The following SF3B4 variants were observed in gnomAD, a reference collection of about 807,000 sequenced individuals.
SF3B4 encodes SAP 49.
Under a neutral mutation model 34.3 loss-of-function variants are expected in SF3B4, and 3 were observed. The ratio of observed to expected loss-of-function variants is 0.09; its 90% CI spans 0.04 to 0.23. The LOEUF is 0.23. Among genes scored for constraint, SF3B4 ranks in the 10% least tolerant of loss-of-function variants. The probability of loss-of-function intolerance (pLI) is 1.00; values close to 1 mark genes in which losing one functional copy is unlikely to be tolerated. For missense variants in SF3B4, 283 were observed against 567.2 expected, an observed-to-expected ratio of 0.50 and a Z score of 5.09; for synonymous variants, 216 against 207.8, an observed-to-expected ratio of 1.04 and a Z score of -0.34.
intron 2 of SF3B4, 57 bp downstream of exon 2, chr1:149,927,109 A>G: frequency 6.3e-7 from 1 of 1,591,048 alleles, no homozygotes; most frequent in Admixed American, 1.8e-5. Context: ...ATTCCAAAAC[A>G]GTTGTGAATA....
chr1:149,923,814 T>A (rs782390140), intron 5 of SF3B4, 27 bp downstream of exon 5: 3 of 1,566,614 alleles, frequency 1.9e-6, no homozygotes, highest in Non-Finnish European at 2.6e-6. Context: ...TAAGTGCAGA[T>A]GAGGGAGGTG....
At chr1:149,925,804 C>T (rs1433330037) in intron 4 of SF3B4, 32 bp downstream of exon 4, 14 of 1,561,078 alleles carry the variant, frequency 9.0e-6, no homozygotes, top group African/African-American at 2.7e-5. Flanking sequence ...CTACCAAGCT[C>T]TTCCCTCCCT....
rs1376874499 is a variant in SF3B4, at chr1:149,927,795, C to G, written c.-36G>C. 1.3e-6 allele frequency: 2 copies of G among 1,551,616 alleles called. No homozygotes were observed. The highest frequency in any genetic ancestry group is 1.7e-6 in the Non-Finnish European group (2 of 1,147,082). On this transcript the variant is annotated 5_prime_UTR_variant, in exon 1 of 6. Transcript: ENST00000271628. ...ATCCCGCCGTCTCCCAGCAGCGGTTCCGCCTTCTGACCTCAGCACGACTTC... is the reference window on the plus strand; with the variant it reads ...ATCCCGCCGTCTCCCAGCAGCGGTTGCGCCTTCTGACCTCAGCACGACTTC...
chr1:149,926,522 T>C lies in SF3B4; in HGVS notation c.560A>G (p.His187Arg). ...CAGAAGTCGTTCGGCTGCTGAGCCA[T>C]GGCGCTCACCCTTGGAGTCCTTCTT... ...AFKKDSKGER[H>R]GSAAERLLAA... Residue 187 changes from histidine to arginine, a missense_variant, in exon 3 of 6, where the codon CAT (histidine) becomes CGT (arginine). This residue lies in a region of SF3B4 where 35 missense variants were observed against 111.9 expected (regional missense o/e 0.31). Coordinates refer to ENST00000271628, the MANE Select transcript of SF3B4 (RefSeq NM_005850.5). This position sits in a 1 kb window ranked among gnomAD's most constrained non-coding sequence, Gnocchi z 6.2. 6.2e-7 allele frequency: 1 copy of C among 1,614,210 alleles called. No homozygotes were observed. The highest frequency in any genetic ancestry group is 8.5e-7 in the Non-Finnish European group (1 of 1,180,046).
At chr1:149,925,522 C>A in intron 4 of SF3B4, 1 of 335,186 alleles carries the variant, frequency 3.0e-6, no homozygotes, top group Admixed American at 4.5e-5. Flanking sequence ...AGAGGTCAAA[C>A]TAGATAAGGA....
In SF3B4 at chr1:149,926,828, C is replaced by T; in HGVS notation, c.254G>A (p.Arg85Gln). The change falls in exon 3 of 6, where the codon CGG (arginine) becomes CAG (glutamine). Residue 85 changes from arginine to glutamine, a missense_variant. Transcript: ENST00000271628. The surrounding 1 kb of genome is among the most constrained non-coding windows in gnomAD (Gnocchi z 6.2). The part of the protein sequence containing the change: ...NMIKLYGKPI[R>Q]VNKASAHNKN... ...GTTGTGAGCTGATGCTTTGTTCACCCGTATTGGCTTCCCATAGAGTTTGAT... is the reference window on the plus strand; with the variant it reads ...GTTGTGAGCTGATGCTTTGTTCACCTGTATTGGCTTCCCATAGAGTTTGAT... 1 of 1,614,130 alleles carries T rather than the reference C, an allele frequency of 6.2e-7. No homozygotes were observed. The highest frequency in any genetic ancestry group is 8.5e-7 in the Non-Finnish European group (1 of 1,180,026).
chr1:149,927,155 C>T lies in SF3B4; in HGVS notation c.163+11G>A. 6.2e-7 allele frequency: 1 copy of T among 1,613,292 alleles called. No individual in the cohort carries two copies. The highest frequency in any genetic ancestry group is 8.5e-7 in the Non-Finnish European group (1 of 1,179,972). On this transcript the variant is annotated intron_variant, in intron 2 of 5. Coordinates refer to ENST00000271628, the MANE Select transcript of SF3B4 (RefSeq NM_005850.5). The stretch of plus-strand genomic sequence containing the variant: ...CCTCCGGGAGCAATTCGCCCCTTGT[C>T]ATGTACTCACCTTGGTGCTGGCCAG...
rs782200488 is a variant in SF3B4 at position 149,926,905 on chromosome 1, C to T, written c.177G>A (p.Val59=). ...VTGQHQGYGF[V]EFLSEEDADY... is the part of the protein sequence containing the mutation. ...CAGCATCTTCCTCACTCAAGAATTCCACAAAGCCATAGCCTGGAAAAGTGG... is the reference window on the plus strand; with the variant it reads ...CAGCATCTTCCTCACTCAAGAATTCTACAAAGCCATAGCCTGGAAAAGTGG... Residue 59 remains valine, a synonymous_variant, in exon 3 of 6, where the codon GTG becomes GTA. Coordinates refer to ENST00000271628, the MANE Select transcript of SF3B4 (RefSeq NM_005850.5). The surrounding 1 kb of genome is among the most constrained non-coding windows in gnomAD (Gnocchi z 6.2). 1.4e-5 allele frequency: 23 copies of T among 1,608,258 alleles called. No individual in the cohort carries two copies. The highest frequency in any genetic ancestry group is 1.1e-4 in the East Asian group (5 of 44,834).
rs1553766260 is a variant in SF3B4 at position 149,927,718 on chromosome 1, C to G, written c.34+8G>C. ...TGAGCCCATTCCAGACTTTCCCCCTCCAGTTACCCTGATTCCGCTCGGAGA... is the reference window on the plus strand; with the variant it reads ...TGAGCCCATTCCAGACTTTCCCCCTGCAGTTACCCTGATTCCGCTCGGAGA... On this transcript the variant is annotated splice_region_variant and intron_variant, in intron 1 of 5. Coordinates refer to ENST00000271628, the MANE Select transcript of SF3B4 (RefSeq NM_005850.5). 6.4e-7 allele frequency: 1 copy of G among 1,553,084 alleles called. No individual in the cohort carries two copies.
In SF3B4 at chr1:149,926,972, G is replaced by C; in HGVS notation, c.164-54C>G. On this transcript the variant is annotated intron_variant, in intron 2 of 5. Coordinates refer to ENST00000271628, the MANE Select transcript of SF3B4 (RefSeq NM_005850.5). This position sits in a 1 kb window ranked among gnomAD's most constrained non-coding sequence, Gnocchi z 6.2. ...AACGTAAGTAAAGAGACTGAAAATGGGGTAAAATTCATCTACCCTCTAATC... is the reference window on the plus strand; with the variant it reads ...AACGTAAGTAAAGAGACTGAAAATGCGGTAAAATTCATCTACCCTCTAATC... 1.3e-6 allele frequency: 2 copies of C among 1,518,012 alleles called. No individual in the cohort carries two copies. Among genetic ancestry groups the C allele is most frequent in the Non-Finnish European group, 1.8e-6 (2 of 1,128,680 alleles). The allele number at this position is 1,518,012 out of a possible 1,614,324, so 94.0% of individuals were successfully genotyped here.
intron 4 of SF3B4, among the ~76,000 whole-genome samples, chr1:149,925,419 G>A (rs2092583508): frequency 6.6e-6 from 1 of 152,094 alleles, no homozygotes; most frequent in African/African-American, 2.4e-5. Context: ...CTGAGATTAA[G>A]AAGTCAGAGA....
chr1:149,927,440 T>G, intron 1 of SF3B4, 146 bp from the exon 2 acceptor site: 2 of 916,290 alleles, frequency 2.2e-6, no homozygotes, highest in South Asian at 3.4e-5. Context: ...ACCCTTAAAC[T>G]TCTCTCTTCC....
rs782734648 is a variant in SF3B4 at position 149,923,577 on chromosome 1, G to C, written c.1240C>G (p.Pro414Ala). The C allele has an allele frequency of 8.3e-6, 13 of 1,562,410 alleles. No individual in the cohort carries two copies. Among genetic ancestry groups the C allele is most frequent in the Non-Finnish European group, 1.1e-5 (13 of 1,164,184 alleles). ...PRPTPRPPVPPRGPLRGPLPQ is the reference protein window; with the variant it reads ...PRPTPRPPVPARGPLRGPLPQ ...AGAGGGCCTCGAAGTGGGCCTCGAG[G>C]GGGAACTGGTGGCCGGGGAGTGGGT... The change falls in exon 6 of 6, where the codon CCT (proline) becomes GCT (alanine). Residue 414 changes from proline to alanine, a missense_variant. Transcript: ENST00000271628.
At chr1:149,927,564 A>G in intron 1 of SF3B4, 162 bp downstream of exon 1, 1 of 944,032 alleles carries the variant, frequency 1.1e-6, no homozygotes, top group Non-Finnish European at 1.6e-6. Flanking sequence ...CAGAGGCCTC[A>G]GCCAGCACCC....
Position 149,923,707 on chromosome 1 carries a change from C to T in SF3B4, c.1110G>A (p.Pro370=), listed in dbSNP as rs782435530. 5.3e-5 allele frequency: 80 copies of T among 1,516,210 alleles called. No homozygotes were observed. The highest frequency in any genetic ancestry group is 1.8e-4 in the Middle Eastern group (1 of 5,708). The allele number at this position is 1,516,210 out of a possible 1,614,324, so 93.9% of individuals were successfully genotyped here. Residue 370 remains proline (P), a synonymous_variant, in exon 6 of 6, where the codon CCG becomes CCA. Coordinates refer to ENST00000271628, the MANE Select transcript of SF3B4 (RefSeq NM_005850.5). ...SPMGHPGPMP[P]HGMRGPPPLM... The stretch of plus-strand genomic sequence containing the variant: ...GTGGAGGAGGTCCACGCATACCATG[C>T]GGAGGCATAGGACCTGGGTGACCTG...
Position 149,926,837 on chromosome 1 carries a change from T to C in SF3B4, c.245A>G (p.Lys82Arg). ...KIMNMIKLYGKPIRVNKASAH... is the reference protein window; with the variant it reads ...KIMNMIKLYGRPIRVNKASAH... Reference sequence around the variant, plus strand: ...TGATGCTTTGTTCACCCGTATTGGCTTCCCATAGAGTTTGATCATGTTCAT... The same window carrying C: ...TGATGCTTTGTTCACCCGTATTGGCCTCCCATAGAGTTTGATCATGTTCAT... Residue 82 changes from lysine to arginine, a missense_variant, in exon 3 of 6, where the codon AAG becomes AGG. This residue lies in a region of SF3B4 where 39 missense variants were observed against 127.3 expected (regional missense o/e 0.31). Coordinates refer to ENST00000271628, the MANE Select transcript of SF3B4 (RefSeq NM_005850.5). The surrounding 1 kb of genome is among the most constrained non-coding windows in gnomAD (Gnocchi z 6.2). 6.2e-7 allele frequency: 1 copy of C among 1,614,154 alleles called. No individual in the cohort carries two copies. The highest frequency in any genetic ancestry group is 8.5e-7 in the Non-Finnish European group (1 of 1,180,020).
rs587603335 is a variant in SF3B4, at chr1:149,923,644, G to A, written c.1173C>T (p.Pro391=). ...GCCCCCGCTGGTAGCCATAGGGTGG[G>A]GGTCGTGGAGGGCCAGTGTATCCAT... ...PPHGYTGPPR[P]PPYGYQRGPL... Residue 391 remains proline (P), a synonymous_variant, in exon 6 of 6, where the codon CCC becomes CCT. Coordinates refer to ENST00000271628, the MANE Select transcript of SF3B4 (RefSeq NM_005850.5). 7.9e-6 allele frequency: 12 copies of A among 1,527,922 alleles called. No individual in the cohort carries two copies. Among genetic ancestry groups the A allele is most frequent in the Admixed American group, 2.6e-5 (1 of 39,022 alleles). The allele number at this position is 1,527,922 out of a possible 1,614,324, so 94.6% of individuals were successfully genotyped here.
chr1:149,926,975 TA>T lies in SF3B4; in HGVS notation c.164-58del. On this transcript the variant is annotated intron_variant, in intron 2 of 5. Transcript: ENST00000271628. The surrounding 1 kb of genome is among the most constrained non-coding windows in gnomAD (Gnocchi z 6.2). Reference sequence around the variant, plus strand: ...GTAAGTAAAGAGACTGAAAATGGGGTAAAATTCATCTACCCTCTAATCACAA... The same window carrying T: ...GTAAGTAAAGAGACTGAAAATGGGGTAAATTCATCTACCCTCTAATCACAA... 6.6e-7 allele frequency: 1 copy of T among 1,510,902 alleles called. No homozygotes were observed. 93.6% of individuals were successfully genotyped at this position (1,510,902 alleles called of 1,614,324 possible).
chr1:149,926,286 T>A lies in SF3B4; in HGVS notation c.706+90A>T. 1 of 1,164,996 alleles carries A rather than the reference T, an allele frequency of 8.6e-7. No individual in the cohort carries two copies. Among genetic ancestry groups the A allele is most frequent in the Non-Finnish European group, 1.2e-6 (1 of 822,188 alleles). 72.2% of individuals were successfully genotyped at this position (1,164,996 alleles called of 1,614,324 possible). ...TTCCCATCAACTCACTGACTCAATGTCCCCTGTCCCCCTTTCAGACTTGTT... is the reference window on the plus strand; with the variant it reads ...TTCCCATCAACTCACTGACTCAATGACCCCTGTCCCCCTTTCAGACTTGTT... On this transcript the variant is annotated intron_variant, in intron 3 of 5. Transcript: ENST00000271628. This position sits in a 1 kb window ranked among gnomAD's most constrained non-coding sequence, Gnocchi z 6.2.
Sources: allele counts gnomAD v4.1 joint callset (sites outside exome capture counted in the v4.1 genomes callset), GRCh38; gene constraint gnomAD v4.1.1; regional missense constraint gnomAD v4.1.1; non-coding constraint Gnocchi (gnomAD v3.1); transcripts MANE v1.5; gene names NCBI Gene and HGNC (gene_info 2026-07-23, HGNC 2026-07-21).